The following APCDD1L variants were observed in gnomAD, a reference collection of about 807,000 sequenced individuals.
APCDD1L encodes protein APCDD1-like.
APCDD1L carries 21 observed loss-of-function variants against 24.2 expected under a neutral mutation model. The observed-to-expected ratio is 0.87, with a 90% CI of 0.61 to 1.25. The LOEUF is 1.25. APCDD1L is among the 50% of genes most tolerant of loss of function. APCDD1L has a pLI of 0.00. For synonymous variants in APCDD1L, 321 were observed against 323.6 expected (o/e 0.99, Z 0.09); for missense variants, 704 against 711.7 (o/e 0.99, Z 0.12).
chr20:58,461,495 C>T lies in APCDD1L; in HGVS notation c.801G>A (p.Pro267=), dbSNP rs758039560. Reference sequence around the variant, plus strand: ...GGGCCAGAGGGGGCGGCAGCACGGGCGGGTGGTGCACATCGGAGCGGGCAA... The same window carrying T: ...GGGCCAGAGGGGGCGGCAGCACGGGTGGGTGGTGCACATCGGAGCGGGCAA... ...GLIARSDVHH[P]PVLPPPLALP... Residue 267 remains proline, a synonymous_variant, in exon 4 of 4, where the codon CCG becomes CCA. Transcript: ENST00000371149. This position sits in a 1 kb window ranked among gnomAD's most constrained non-coding sequence, Gnocchi z 6.0. 20 of 1,462,818 alleles carry T rather than the reference C, an allele frequency of 1.4e-5. No homozygotes were observed. Among genetic ancestry groups the T allele is most frequent in the Admixed American group, 5.5e-5 (2 of 36,348 alleles). The allele number at this position is 1,462,818 out of a possible 1,614,324, so 90.6% of individuals were successfully genotyped here.
Position 58,508,958 on chromosome 20 carries a change from GTGTC to G in APCDD1L, c.49+5697_49+5700del, listed in dbSNP as rs986796200. 6.6e-6 allele frequency among the ~76,000 whole-genome samples: 1 copy of G among 151,262 alleles called. No homozygotes were observed. The highest frequency in any genetic ancestry group is 1.5e-5 in the Non-Finnish European group (1 of 67,898). On this transcript the variant is annotated intron_variant, in intron 1 of 3. Transcript: ENST00000371149. This position sits in a 1 kb window ranked among gnomAD's most constrained non-coding sequence, Gnocchi z 4.0. Reference sequence around the variant, plus strand: ...CGTGAGTGTGTGTGAGTGTGCATGTGTGTCTGTGTGCGCACGTGTGTGTGCATGT... The same window carrying G: ...CGTGAGTGTGTGTGAGTGTGCATGTGTGTGTGCGCACGTGTGTGTGCATGT...
At chr20:58,498,453 A>C (rs1472069347) in intron 1 of APCDD1L, among the ~76,000 whole-genome samples, 2 of 152,352 alleles carry the variant, frequency 1.3e-5, no homozygotes, top group African/African-American at 4.8e-5. Context: ...AATTTCTTGA[A>C]GAAAGAAAGA....
intron 3 of APCDD1L, among the ~76,000 whole-genome samples, chr20:58,466,761 C>T (rs1020355310): frequency 6.6e-6 from 1 of 152,098 alleles, no homozygotes; most frequent in Non-Finnish European, 1.5e-5. Context: ...ATATTTCAGC[C>T]GAGAACTAAG....
At chr20:58,503,274 C>A (rs1328817349) in intron 1 of APCDD1L, among the ~76,000 whole-genome samples, 10 of 152,182 alleles carry the variant, frequency 6.6e-5, no homozygotes, top group Non-Finnish European at 1.5e-4. Flanking sequence ...AAATGCTGAT[C>A]ATCATAAAAG....
intron 1 of APCDD1L, among the ~76,000 whole-genome samples, chr20:58,499,290 T>C (rs905926625): frequency 6.6e-6 from 1 of 152,120 alleles, no homozygotes; most frequent in African/African-American, 2.4e-5. Flanking sequence ...GGGGAAACCT[T>C]CTACCACCTC....
At chr20:58,482,642 C>T (rs1290348977) in intron 1 of APCDD1L, among the ~76,000 whole-genome samples, 2 of 152,132 alleles carry the variant, frequency 1.3e-5, no homozygotes, top group Non-Finnish European at 1.5e-5. Context: ...ACAAGATGCA[C>T]GTTTTTGGTA....
chr20:58,505,827 G>A (rs1040860567), intron 1 of APCDD1L, among the ~76,000 whole-genome samples: 9 of 152,116 alleles, frequency 5.9e-5, no homozygotes, highest in African/African-American at 1.7e-4. Context: ...CAATATGACT[G>A]GTGTACTTAT....
intron 1 of APCDD1L, among the ~76,000 whole-genome samples, chr20:58,476,255 A>G (rs181484329): frequency 5.1e-4 from 78 of 152,254 alleles, no homozygotes; most frequent in African/African-American, 1.6e-3. Context: ...CAGTGGTGCA[A>G]TCTCGGCTCA....
At chr20:58,476,074 G>A (rs1451805077) in intron 1 of APCDD1L, among the ~76,000 whole-genome samples, 1 of 152,118 alleles carries the variant, frequency 6.6e-6, no homozygotes, top group East Asian at 1.9e-4. Flanking sequence ...TATCTTTTTT[G>A]GGGGGTTACA....
intron 1 of APCDD1L, among the ~76,000 whole-genome samples, chr20:58,496,031 G>A (rs941899529): frequency 6.6e-5 from 10 of 152,180 alleles, no homozygotes; most frequent in East Asian, 1.9e-4. Flanking sequence ...ATGACATACC[G>A]TCTTTAGGAT....
chr20:58,485,049 TATCTC>T (rs1568743674), intron 1 of APCDD1L, among the ~76,000 whole-genome samples: 1 of 152,160 alleles, frequency 6.6e-6, no homozygotes, highest in African/African-American at 2.4e-5. Context: ...ATCTCAGACT[TATCTC>T]TTATGGAAAA....
In APCDD1L at chr20:58,461,790, G is replaced by C; in HGVS notation, c.742-236C>G. On this transcript the variant is annotated intron_variant, in intron 3 of 3. Transcript: ENST00000371149. This position sits in a 1 kb window ranked among gnomAD's most constrained non-coding sequence, Gnocchi z 6.0. Reference sequence around the variant, plus strand: ...TCCCCCGGGCCTTGGGTCTCCTGCTGTCTCTTCCACCTGGAATTCCCCGCC... The same window carrying C: ...TCCCCCGGGCCTTGGGTCTCCTGCTCTCTCTTCCACCTGGAATTCCCCGCC... 2.5e-6 allele frequency: 1 copy of C among 401,370 alleles called. No individual in the cohort carries two copies. The highest frequency in any genetic ancestry group is 4.3e-6 in the Non-Finnish European group (1 of 229,900). 24.9% of individuals were successfully genotyped at this position (401,370 alleles called of 1,614,324 possible).
rs550213906 is a variant in APCDD1L, at chr20:58,509,266, C to T, written c.49+5393G>A. 2.0e-5 allele frequency among the ~76,000 whole-genome samples: 3 copies of T among 152,262 alleles called. No individual in the cohort carries two copies. In the East Asian group the frequency reaches 5.8e-4, roughly 29 times the overall value. On this transcript the variant is annotated intron_variant, in intron 1 of 3. Coordinates refer to ENST00000371149, the MANE Select transcript of APCDD1L (RefSeq NM_153360.3). Reference sequence around the variant, plus strand: ...GCGGGCCGGGTGCTGTGAGCCACGTCAGGGCCTTTGGATTGGGCTTTACTC... The same window carrying T: ...GCGGGCCGGGTGCTGTGAGCCACGTTAGGGCCTTTGGATTGGGCTTTACTC...
intron 1 of APCDD1L, among the ~76,000 whole-genome samples, chr20:58,478,086 C>A (rs143111585): frequency 2.6e-4 from 39 of 152,242 alleles, no homozygotes; most frequent in Admixed American, 1.9e-3. Flanking sequence ...CTCAAATTGT[C>A]CCTGATTTGG....
At chr20:58,510,399 C>G (rs547492491) in intron 1 of APCDD1L, among the ~76,000 whole-genome samples, 1 of 152,298 alleles carries the variant, frequency 6.6e-6, no homozygotes, top group Admixed American at 6.5e-5. Flanking sequence ...TTGGTGCAAT[C>G]TTGGCCCACT....
rs1411936587 is a variant in APCDD1L, at chr20:58,508,692, G to A, written c.49+5967C>T. Among the ~76,000 whole-genome samples the A allele has an allele frequency of 6.6e-6, 1 of 152,190 alleles. No homozygotes were observed. The highest frequency in any genetic ancestry group is 1.5e-5 in the Non-Finnish European group (1 of 68,046). On this transcript the variant is annotated intron_variant, in intron 1 of 3. Coordinates refer to ENST00000371149, the MANE Select transcript of APCDD1L (RefSeq NM_153360.3). The surrounding 1 kb of genome is among the most constrained non-coding windows in gnomAD (Gnocchi z 4.0). ...ACTGCTTACACTATGTTGGGTATAT[G>A]AGCGATTACTGAGTACCTACTATGT...
rs998509627 is a variant in APCDD1L, at chr20:58,467,946, C to T, written c.189-288G>A. On this transcript the variant is annotated intron_variant, in intron 2 of 3. Coordinates refer to ENST00000371149, the MANE Select transcript of APCDD1L (RefSeq NM_153360.3). The surrounding 1 kb of genome is among the most constrained non-coding windows in gnomAD (Gnocchi z 5.9). ...GGCCTTTTGCAACCACCTGGGGACC[C>T]GCTGGCCTGGGAGCTCCGGGATGCC... Among the ~76,000 whole-genome samples the T allele has an allele frequency of 3.3e-5, 5 of 152,138 alleles. No homozygotes were observed. Among genetic ancestry groups the T allele is most frequent in the African/African-American group, 1.2e-4 (5 of 41,446 alleles).
chr20:58,470,478 G>T, intron 2 of APCDD1L, 131 bp downstream of exon 2: 2 of 1,288,306 alleles, frequency 1.6e-6, no homozygotes, highest in Non-Finnish European at 2.1e-6. Flanking sequence ...AGCATCTCCA[G>T]CAGCTTGGCA....
intron 1 of APCDD1L, among the ~76,000 whole-genome samples, chr20:58,486,696 C>G (rs1398224743): frequency 6.6e-6 from 1 of 152,006 alleles, no homozygotes; most frequent in African/African-American, 2.4e-5. Flanking sequence ...AGCCGCCAAC[C>G]TAGATTTGTG....
Sources: gnomAD v4.1 joint callset for allele counts (sites outside exome capture counted in the v4.1 genomes callset) on GRCh38, gnomAD v4.1.1 for gene constraint, Gnocchi (gnomAD v3.1) non-coding constraint, MANE v1.5 for transcripts, NCBI Gene and HGNC (gene_info 2026-07-23, HGNC 2026-07-21) for gene names.